The following SLC24A1 variants were observed in gnomAD, a reference collection of about 807,000 sequenced individuals.
SLC24A1 encodes solute carrier family 24 member 1, also known as sodium/potassium/calcium exchanger 1.
Under a neutral mutation model 88.1 loss-of-function variants are expected in SLC24A1, and 52 were observed. The ratio of observed to expected loss-of-function variants is 0.59; its 90% confidence interval spans 0.47 to 0.74. The LOEUF (loss-of-function observed/expected upper bound fraction) is 0.74. SLC24A1 is among the 30% of genes least tolerant of loss of function. The probability of loss-of-function intolerance (pLI) is 0.00; values close to 1 mark genes in which losing one functional copy is unlikely to be tolerated. For missense variants in SLC24A1, 1,173 were observed against 1,363.3 expected, an observed-to-expected ratio of 0.86 and a Z score of 2.20; for synonymous variants, 455 against 498.0, an observed-to-expected ratio of 0.91 and a Z score of 1.15.
downstream of SLC24A1, chr15:65,659,314 A>ATTTTGTTTTTTTTTTT (rs2075774246): frequency 1.7e-5 from 1 of 60,520 alleles, no homozygotes; most frequent in South Asian, 5.0e-4. Flanking sequence ...AATGATTGAT[A>ATTTTGTTTTTTTTTTT]TTTTCTGGTT....
intron 2 of SLC24A1, among the ~76,000 whole-genome samples, chr15:65,628,832 A>G (rs138224022): frequency 1.3e-5 from 2 of 152,248 alleles, no homozygotes; most frequent in African/African-American, 4.8e-5. Flanking sequence ...GGACAAGCCT[A>G]GAGAAAATTA....
At position 65,638,119 on chromosome 15, in the gene SLC24A1, T is replaced by C; in HGVS notation, c.1891-9T>C. 6.2e-7 allele frequency: 1 copy of C among 1,605,960 alleles called. No homozygotes were observed. Among genetic ancestry groups the C allele is most frequent in the Non-Finnish European group, 8.5e-7 (1 of 1,175,188 alleles). On this transcript the variant is annotated splice_polypyrimidine_tract_variant and intron_variant, in intron 2 of 9. Coordinates refer to ENST00000261892, the MANE Select transcript of SLC24A1 (RefSeq NM_004727.3). ...CACAACATCTCGTGACTCCTCTCCCTGTTTGCAGCCGGGCGATGGGGCCAT... is the reference window on the plus strand; with the variant it reads ...CACAACATCTCGTGACTCCTCTCCCCGTTTGCAGCCGGGCGATGGGGCCAT...
intron 2 of SLC24A1, among the ~76,000 whole-genome samples, chr15:65,633,197 G>A (rs1199734507): frequency 2.0e-5 from 3 of 152,182 alleles, no homozygotes; most frequent in African/African-American, 7.2e-5. Flanking sequence ...TACAGCTGTT[G>A]AGCCCTGGAA....
chr15:65,656,491 A>T (rs1300962245), downstream of SLC24A1, among the ~76,000 whole-genome samples: 1 of 152,250 alleles, frequency 6.6e-6, no homozygotes, highest in Non-Finnish European at 1.5e-5. Context: ...TTTTTTGGTC[A>T]CACATTTACA....
chr15:65,614,125 T>C (rs569143367), intron 2 of SLC24A1, among the ~76,000 whole-genome samples: 1 of 152,170 alleles, frequency 6.6e-6, no homozygotes, highest in Non-Finnish European at 1.5e-5. Flanking sequence ...TAGACAAAGA[T>C]AGGGAGATTA....
chr15:65,614,116 A>T (rs1252717597), intron 2 of SLC24A1, among the ~76,000 whole-genome samples: 1 of 152,206 alleles, frequency 6.6e-6, no homozygotes. Context: ...TTTCAAACAT[A>T]GACAAAGATA....
chr15:65,633,548 T>A (rs1222886593), intron 2 of SLC24A1, among the ~76,000 whole-genome samples: 1 of 152,062 alleles, frequency 6.6e-6, no homozygotes, highest in Non-Finnish European at 1.5e-5. Flanking sequence ...TAATCCCAGC[T>A]ACTCAGGAGG....
At chr15:65,620,616 G>A (rs1436860932), upstream of SLC24A1, among the ~76,000 whole-genome samples, 1 of 152,134 alleles carries the variant, frequency 6.6e-6, no homozygotes, top group Non-Finnish European at 1.5e-5. Flanking sequence ...AAGAAACTGG[G>A]TTTACCCCCA....
intron 4 of SLC24A1, chr15:65,642,982 A>G (rs1474381437): frequency 7.8e-7 from 1 of 1,288,676 alleles, no homozygotes; most frequent in East Asian, 5.6e-5. Context: ...GATGCCGGGC[A>G]TCATCACTGT....
At chr15:65,635,100 C>T (rs2074870698) in intron 2 of SLC24A1, among the ~76,000 whole-genome samples, 1 of 152,052 alleles carries the variant, frequency 6.6e-6, no homozygotes, top group Non-Finnish European at 1.5e-5. Context: ...GGGTGTGCAC[C>T]ATGGGGCAAA....
intron 2 of SLC24A1, among the ~76,000 whole-genome samples, chr15:65,629,112 A>G (rs971866576): frequency 6.6e-6 from 1 of 152,252 alleles, no homozygotes. Flanking sequence ...TAAGAGCAAC[A>G]TACTTGCAGG....
In SLC24A1 at chr15:65,655,631, A is replaced by T; in HGVS notation, c.*1552A>T. 1.0e-6 allele frequency: 1 copy of T among 985,434 alleles called. No individual in the cohort carries two copies. The highest frequency in any genetic ancestry group is 1.2e-6 in the Non-Finnish European group (1 of 829,926). 61.0% of individuals were successfully genotyped at this position (985,434 alleles called of 1,614,324 possible). A position where few individuals can be genotyped will look rare whatever the true frequency, so the allele number is the denominator to read the frequency against. On this transcript the variant is annotated 3_prime_UTR_variant, in exon 10 of 10. Coordinates refer to ENST00000261892, the MANE Select transcript of SLC24A1 (RefSeq NM_004727.3). ...CGGGTGACTGCAGATTATGATGGTA[A>T]ATATGGCTTTAATTACAAACATGAG...
intron 2 of SLC24A1, among the ~76,000 whole-genome samples, chr15:65,614,381 G>A (rs774317856): frequency 5.3e-5 from 8 of 151,856 alleles, no homozygotes; most frequent in Non-Finnish European, 1.0e-4. Context: ...ATCAAATATC[G>A]AATCAGCTTT....
Position 65,652,811 on chromosome 15 carries a change from G to T in SLC24A1, c.3050+3G>T. ...AACATATTTGATATCACTGTGGGGT[G>T]AGTGGCAATGTAACTTTCTAAGGGG... On this transcript the variant is annotated splice_donor_region_variant and intron_variant, in intron 9 of 9. Transcript: ENST00000261892. The T allele has an allele frequency of 6.3e-7, 1 of 1,589,054 alleles. No homozygotes were observed.
At chr15:65,638,205 CA>C in intron 3 of SLC24A1, 24 bp downstream of exon 3, 1 of 1,529,984 alleles carries the variant, frequency 6.5e-7, no homozygotes. Flanking sequence ...GGAGTCTGCC[CA>C]GTGGGGACAC....
intron 2 of SLC24A1, among the ~76,000 whole-genome samples, chr15:65,634,121 G>A (rs2074825236): frequency 6.6e-6 from 1 of 152,130 alleles, no homozygotes; most frequent in Non-Finnish European, 1.5e-5. Flanking sequence ...TTCAGTGAAG[G>A]GCTAAAGTGA....
Position 65,625,822 on chromosome 15 carries a change from T to C in SLC24A1, c.1742T>C (p.Ile581Thr). Residue 581 changes from isoleucine (I) to threonine (T), a missense_variant, in exon 2 of 10, where the codon ATT becomes ACT. Transcript: ENST00000261892. ...ATCCTCTTCTTCCTGGACAGCCTCA[T>C]TGCCTGGTGGGAGAGCCTGCTGCTG... is the stretch of plus-strand genomic sequence containing the variant. ...MLILFFLDSL[I>T]AWWESLLLLL... is the part of the protein sequence containing the mutation. The C allele has an allele frequency of 6.2e-7, 1 of 1,614,070 alleles. No homozygotes were observed. The highest frequency in any genetic ancestry group is 8.5e-7 in the Non-Finnish European group (1 of 1,179,900).
At chr15:65,633,284 A>G (rs2074794907) in intron 2 of SLC24A1, among the ~76,000 whole-genome samples, 1 of 152,230 alleles carries the variant, frequency 6.6e-6, no homozygotes, top group Non-Finnish European at 1.5e-5. Context: ...GAAAAAATGG[A>G]TGTAAAACAC....
Position 65,644,561 on chromosome 15 carries a change from T to G in SLC24A1, c.2140+48T>G, listed in dbSNP as rs777809702. ...GGGTTTTCTCCTGCCCCCCTCTCCC[T>G]GCTGTCAGTAGTGAGCTTGGCCTGG... On this transcript the variant is annotated intron_variant, in intron 5 of 9. Coordinates refer to ENST00000261892, the MANE Select transcript of SLC24A1 (RefSeq NM_004727.3). 8 of 1,344,176 alleles carry G rather than the reference T, an allele frequency of 6.0e-6. No individual in the cohort carries two copies. The South Asian group carries it at 1.0e-4, about 17-fold the overall frequency. 83.3% of individuals were successfully genotyped at this position (1,344,176 alleles called of 1,614,324 possible).
Sources: gnomAD v4.1 joint callset for allele counts (sites outside exome capture counted in the v4.1 genomes callset) on GRCh38, gnomAD v4.1.1 for gene constraint, MANE v1.5 for transcripts, NCBI Gene and HGNC (gene_info 2026-07-23, HGNC 2026-07-21) for gene names.